The following FAT3 variants were observed in gnomAD, a reference collection of about 807,000 sequenced individuals.
FAT3 encodes the protein FAT atypical cadherin 3, also known as protocadherin Fat 3.
FAT3 carries 95 observed loss-of-function variants against 310.2 expected under a neutral mutation model. That is an observed-to-expected ratio of 0.31 (90% CI 0.26 to 0.36). FAT3 has a LOEUF of 0.36. Ranked by LOEUF, FAT3 falls within the 10% of genes least tolerant of loss-of-function variation. The pLI, the probability that FAT3 is intolerant of heterozygous loss-of-function variation, is 1.00. For missense variants in FAT3, 5,408 were observed against 5,715.6 expected, an observed-to-expected ratio of 0.95 and a Z score of 1.74; for synonymous variants, 2,314 against 2,192.9, an observed-to-expected ratio of 1.06 and a Z score of -1.54.
chr11:92,483,754 G>C (rs1383516631), intron 2 of FAT3, among the ~76,000 whole-genome samples: 1 of 152,168 alleles, frequency 6.6e-6, no homozygotes, highest in African/African-American at 2.4e-5. Flanking sequence ...TCTAATGAAA[G>C]TGTCAGATAA....
chr11:92,330,536 G>A (rs1292436187), intron 1 of FAT3, among the ~76,000 whole-genome samples: 1 of 152,222 alleles, frequency 6.6e-6, no homozygotes, highest in Non-Finnish European at 1.5e-5. Flanking sequence ...GGGAGAAGGA[G>A]CAAAGTCAGA....
intron 1 of FAT3, among the ~76,000 whole-genome samples, chr11:92,302,608 C>G (rs755494349): frequency 6.6e-6 from 1 of 151,890 alleles, no homozygotes; most frequent in Non-Finnish European, 1.5e-5. Context: ...GCATAGAAGG[C>G]GATGCATTTA....
intron 6 of FAT3, among the ~76,000 whole-genome samples, chr11:92,767,711 G>A (rs895434995): frequency 6.6e-6 from 1 of 152,132 alleles, no homozygotes; most frequent in African/African-American, 2.4e-5. Flanking sequence ...AGCATGATGA[G>A]TGCTGCTGTA....
chr11:92,594,905 A>G (rs911357232), intron 3 of FAT3, among the ~76,000 whole-genome samples: 2 of 152,112 alleles, frequency 1.3e-5, no homozygotes, highest in Admixed American at 1.3e-4. Flanking sequence ...AAAAAAATGT[A>G]TAGTATGGTT....
At chr11:92,625,739 CTT>C (rs5793614) in intron 3 of FAT3, among the ~76,000 whole-genome samples, 1,725 of 146,688 alleles carry the variant, frequency 0.012, 21 homozygotes, top group Middle Eastern at 0.041. Context: ...TGTCCTTCAA[CTT>C]TTTTTTTTTT....
At chr11:92,372,640 T>C (rs1949221973) in intron 2 of FAT3, among the ~76,000 whole-genome samples, 1 of 150,154 alleles carries the variant, frequency 6.7e-6, no homozygotes. Context: ...GCACTTTGCG[T>C]TCTTTGATTG....
At chr11:92,550,787 A>T (rs529318594) in intron 3 of FAT3, among the ~76,000 whole-genome samples, 1,301 of 60,234 alleles carry the variant, frequency 0.022, 15 homozygotes, top group African/African-American at 0.048. Flanking sequence ...TTTTTTTTTT[A>T]AAAGAGAGTG....
intron 3 of FAT3, among the ~76,000 whole-genome samples, chr11:92,574,284 A>G (rs1938346577): frequency 6.6e-6 from 1 of 152,098 alleles, no homozygotes; most frequent in South Asian, 2.1e-4. Context: ...CCCCAACCCC[A>G]CACCAAACAT....
chr11:92,405,810 GT>G (rs1221366597), intron 2 of FAT3, among the ~76,000 whole-genome samples: 1 of 152,152 alleles, frequency 6.6e-6, no homozygotes, highest in African/African-American at 2.4e-5. Context: ...AGAAAAATAT[GT>G]ATTTGGAAAG....
chr11:92,354,269 TAGAC>T lies in FAT3; in HGVS notation c.2160_2163del (p.Gln721AspfsTer14). Reference sequence around the variant, plus strand: ...GATTTCTTGACTTTTATTCAATTAATAGACAGGGACCATATTTTGACAAGTCTTT... The same window carrying T: ...GATTTCTTGACTTTTATTCAATTAATAGGGACCATATTTTGACAAGTCTTT... On this transcript the variant is annotated frameshift_variant, in exon 2 of 28. Transcript: ENST00000525166. LOFTEE classifies it high-confidence loss of function. 1 of 1,613,708 alleles carries T rather than the reference TAGAC, an allele frequency of 6.2e-7. No homozygotes were observed. Among genetic ancestry groups the T allele is most frequent in the African/African-American group, 1.3e-5 (1 of 75,034 alleles).
At position 92,231,805 on chromosome 11, in the gene FAT3, GTT is replaced by G. The variant is rs5793586; in HGVS notation, c.-18+6642_-18+6643del. 1.4e-3 allele frequency among the ~76,000 whole-genome samples: 211 copies of G among 149,114 alleles called. 1 individual carries two copies. Among genetic ancestry groups the G allele is most frequent in the African/African-American group, 4.8e-3 (193 of 40,588 alleles). ...GCTTAATGACAGTATAAATATCAGG[GTT>G]TTTTTTTTTTGTCAGATAAATTCTA... On this transcript the variant is annotated intron_variant, in intron 1 of 27. Transcript: ENST00000525166.
chr11:92,888,478 CT>C (rs1282653586), intron 25 of FAT3, among the ~76,000 whole-genome samples: 3 of 152,202 alleles, frequency 2.0e-5, no homozygotes, highest in Non-Finnish European at 4.4e-5. Flanking sequence ...TAGGGTTAAC[CT>C]TCCAAGTTGG....
chr11:92,483,725 A>T (rs765123102), intron 2 of FAT3, among the ~76,000 whole-genome samples: 94 of 151,424 alleles, frequency 6.2e-4, no homozygotes, highest in Non-Finnish European at 9.9e-4. Context: ...TAAGGTACAA[A>T]CTCTCACTAG....
At chr11:92,585,298 C>T (rs563789760) in intron 3 of FAT3, among the ~76,000 whole-genome samples, 4 of 152,084 alleles carry the variant, frequency 2.6e-5, no homozygotes, top group African/African-American at 7.2e-5. Flanking sequence ...GTATTATCAA[C>T]ATTCTTGCCA....
At chr11:92,442,108 TATA>T (rs1464059287) in intron 2 of FAT3, among the ~76,000 whole-genome samples, 18 of 16,006 alleles carry the variant, frequency 1.1e-3, no homozygotes, top group Non-Finnish European at 2.6e-3. Flanking sequence ...TATATATATA[TATA>T]TTTTTTTTTT....
At chr11:92,402,802 C>G (rs1237348380) in intron 2 of FAT3, among the ~76,000 whole-genome samples, 1 of 147,278 alleles carries the variant, frequency 6.8e-6, no homozygotes, top group Non-Finnish European at 1.5e-5. Context: ...ACCATAAGTC[C>G]AAGAAGCTCA....
intron 1 of FAT3, among the ~76,000 whole-genome samples, chr11:92,232,103 T>C (rs1454510916): frequency 6.6e-6 from 1 of 152,182 alleles, no homozygotes; most frequent in African/African-American, 2.4e-5. Context: ...TACCGTCCCA[T>C]GCTAGGGTGG....
intron 3 of FAT3, among the ~76,000 whole-genome samples, chr11:92,629,835 G>C (rs917942385): frequency 3.3e-5 from 5 of 152,080 alleles, no homozygotes; most frequent in African/African-American, 9.7e-5. Flanking sequence ...CAAGTGTCTT[G>C]AAATAATAGT....
intron 1 of FAT3, among the ~76,000 whole-genome samples, chr11:92,351,228 T>C (rs1362280040): frequency 6.6e-6 from 1 of 152,204 alleles, no homozygotes; most frequent in Non-Finnish European, 1.5e-5. Flanking sequence ...TTGTCTCTGC[T>C]TTGTAACTTG....
Sources: gnomAD v4.1 joint callset for allele counts (sites outside exome capture counted in the v4.1 genomes callset) on GRCh38, gnomAD v4.1.1 for gene constraint, MANE v1.5 for transcripts, NCBI Gene and HGNC (gene_info 2026-07-23, HGNC 2026-07-21) for gene names.